KDSR: variants seen among roughly 807,000 people sequenced by gnomAD.
KDSR encodes 3-ketodihydrosphingosine reductase.
In KDSR, 23 loss-of-function variants were observed where a neutral mutation model predicts 41.3. The observed-to-expected ratio is 0.56, with a 90% confidence interval of 0.40 to 0.79. The LOEUF (loss-of-function observed/expected upper bound fraction) is 0.79. Ranked by LOEUF, KDSR falls within the 30% of genes least tolerant of loss-of-function variation. KDSR has a pLI of 0.00. For synonymous variants in KDSR, 138 were observed against 151.7 expected (o/e 0.91, Z 0.66); for missense variants, 351 against 416.8 (o/e 0.84, Z 1.37).
At chr18:63,361,860 A>T (rs1220811898) in intron 2 of KDSR, among the ~76,000 whole-genome samples, 1 of 152,194 alleles carries the variant, frequency 6.6e-6, no homozygotes, top group African/African-American at 2.4e-5. Context: ...TCCAAGACTA[A>T]GTCTGCGACA....
chr18:63,359,942 G>A, intron 2 of KDSR, 150 bp from the exon 3 acceptor site: 1 of 630,402 alleles, frequency 1.6e-6, no homozygotes, highest in East Asian at 2.7e-5. Flanking sequence ...TAGACAGACT[G>A]GGCCACAGCC....
chr18:63,341,872 C>T (rs570473983), intron 7 of KDSR, among the ~76,000 whole-genome samples: 2 of 152,062 alleles, frequency 1.3e-5, no homozygotes, highest in African/African-American at 4.8e-5. Context: ...CTTAACAAAA[C>T]AATACATAAG....
chr18:63,347,747 C>T (rs1914553350), intron 6 of KDSR, among the ~76,000 whole-genome samples: 1 of 151,852 alleles, frequency 6.6e-6, no homozygotes, highest in Non-Finnish European at 1.5e-5. Context: ...TGGGCTTGGT[C>T]TCTGCTACCA....
intron 6 of KDSR, among the ~76,000 whole-genome samples, chr18:63,350,625 T>C (rs1914635958): frequency 6.6e-6 from 1 of 152,234 alleles, no homozygotes; most frequent in Admixed American, 6.5e-5. Context: ...AATAACACTA[T>C]GAAGATATCA....
chr18:63,336,260 G>A (rs1012816206), intron 8 of KDSR, among the ~76,000 whole-genome samples: 1 of 152,120 alleles, frequency 6.6e-6, no homozygotes, highest in Non-Finnish European at 1.5e-5. Context: ...AAACCCCTGA[G>A]CTCAAGCAAT....
At position 63,335,412 on chromosome 18, in the gene KDSR, A is replaced by G. The variant is rs372863936; in HGVS notation, c.778-54T>C. On this transcript the variant is annotated intron_variant, in intron 8 of 9. Coordinates refer to ENST00000645214, the MANE Select transcript of KDSR (RefSeq NM_002035.4). ...GGGAATCCTAGTAATGTGGACAGAA[A>G]TCAGTCGGACACATCAGAAACAGTG... 4.1e-6 allele frequency: 5 copies of G among 1,222,994 alleles called. No individual in the cohort carries two copies. The East Asian group carries it at 9.3e-5, about 23-fold the overall frequency. 75.8% of individuals were successfully genotyped at this position (1,222,994 alleles called of 1,614,324 possible).
chr18:63,357,797 A>G (rs1914844144), intron 3 of KDSR, among the ~76,000 whole-genome samples: 1 of 151,764 alleles, frequency 6.6e-6, no homozygotes, highest in Non-Finnish European at 1.5e-5. Context: ...GGCTGATCTC[A>G]AACACCTACC....
intron 6 of KDSR, among the ~76,000 whole-genome samples, chr18:63,346,899 T>G (rs1285911087): frequency 6.6e-6 from 1 of 152,222 alleles, no homozygotes; most frequent in Non-Finnish European, 1.5e-5. Flanking sequence ...CTGAATATAC[T>G]AAACCACATC....
chr18:63,331,266 AAGAG>A lies in KDSR; in HGVS notation c.*512_*515del, dbSNP rs74169956. ...CTTGAATAAAATACACAAAGAAAGA[AAGAG>A]AGAGAGAGAGAGAGACAGAGAGACA... On this transcript the variant is annotated 3_prime_UTR_variant, in exon 10 of 10. Coordinates refer to ENST00000645214, the MANE Select transcript of KDSR (RefSeq NM_002035.4). 18 of 163,056 alleles carry A rather than the reference AAGAG, an allele frequency of 1.1e-4. No individual in the cohort carries two copies. Among genetic ancestry groups the A allele is most frequent in the South Asian group, 2.8e-4 (1 of 3,590 alleles). The allele number at this position is 163,056 out of a possible 1,614,324, so 10.1% of individuals were successfully genotyped here.
At chr18:63,349,762 T>C (rs1914611720) in intron 6 of KDSR, among the ~76,000 whole-genome samples, 3 of 152,280 alleles carry the variant, frequency 2.0e-5, no homozygotes, top group South Asian at 4.1e-4. Context: ...TTATGGCCTA[T>C]GAGCCAGATC....
At chr18:63,344,258 C>T in intron 7 of KDSR, 152 bp downstream of exon 7, 2 of 545,342 alleles carry the variant, frequency 3.7e-6, no homozygotes, top group Non-Finnish European at 3.3e-6. Context: ...GAATATTTGC[C>T]TGGAGAATCT....
rs189836495 is a variant in KDSR at position 63,331,119 on chromosome 18, G to C, written c.*663C>G. On this transcript the variant is annotated 3_prime_UTR_variant, in exon 10 of 10. Transcript: ENST00000645214. ...TGCACTGCCCTCTCCCGTCCCCCTC[G>C]TAGCTTTATGGGATCAAAGAGAGAG... is the stretch of plus-strand genomic sequence containing the variant. The C allele has an allele frequency of 4.3e-6, 1 of 232,904 alleles. No individual in the cohort carries two copies. Among genetic ancestry groups the C allele is most frequent in the East Asian group, 6.0e-5 (1 of 16,568 alleles). The allele number at this position is 232,904 out of a possible 1,614,324, so 14.4% of individuals were successfully genotyped here. A position where few individuals can be genotyped will look rare whatever the true frequency, so the allele number is the denominator to read the frequency against.
intron 1 of KDSR, among the ~76,000 whole-genome samples, chr18:63,365,125 G>T (rs996997987): frequency 6.6e-6 from 1 of 152,226 alleles, no homozygotes; most frequent in Non-Finnish European, 1.5e-5. Context: ...GTTATCAGCA[G>T]ATTACTGTAA....
chr18:63,333,500 C>G (rs1184263585), intron 9 of KDSR, among the ~76,000 whole-genome samples: 1 of 152,150 alleles, frequency 6.6e-6, no homozygotes, highest in Non-Finnish European at 1.5e-5. Flanking sequence ...AGGGTACACT[C>G]AAACGCATCC....
chr18:63,366,386 G>C (rs1915136812), intron 1 of KDSR: 2 of 152,340 alleles, frequency 1.3e-5, no homozygotes, highest in Non-Finnish European at 2.9e-5. Context: ...CAGTGTAGAC[G>C]GGACAGGCGT....
At chr18:63,366,987 G>T in intron 1 of KDSR, 24 bp downstream of exon 1, 1 of 1,236,030 alleles carries the variant, frequency 8.1e-7, no homozygotes, top group South Asian at 3.4e-5. Context: ...GTAAGTCGGG[G>T]GGCAGCAACA....
At chr18:63,351,419 A>T (rs1230838026) in intron 5 of KDSR, among the ~76,000 whole-genome samples, 1 of 152,220 alleles carries the variant, frequency 6.6e-6, no homozygotes, top group Non-Finnish European at 1.5e-5. Flanking sequence ...TTTCTGAAAG[A>T]CAGTTTTAGG....
At chr18:63,349,797 G>A (rs1382914359) in intron 6 of KDSR, among the ~76,000 whole-genome samples, 1 of 152,236 alleles carries the variant, frequency 6.6e-6, no homozygotes, top group Non-Finnish European at 1.5e-5. Flanking sequence ...TTTTTTATAA[G>A]TAAAGTTTTA....
chr18:63,337,092 C>CCATA (rs1491226334), intron 8 of KDSR, among the ~76,000 whole-genome samples: 1 of 28,430 alleles, frequency 3.5e-5, no homozygotes, highest in Non-Finnish European at 1.1e-4. Context: ...ATATATGTGA[C>CCATA]TTTATATATA....
Sources: allele counts gnomAD v4.1 joint callset (sites outside exome capture counted in the v4.1 genomes callset), GRCh38; gene constraint gnomAD v4.1.1; transcripts MANE v1.5; gene names NCBI Gene and HGNC (gene_info 2026-07-23, HGNC 2026-07-21).